Variants in AMPH observed in about 807,000 individuals in gnomAD.
AMPH encodes amphiphysin.
AMPH carries 49 observed loss-of-function variants against 99.1 expected under a neutral mutation model. That is an observed-to-expected ratio of 0.49 (90% CI 0.39 to 0.63). AMPH has a LOEUF of 0.63. Ranked by LOEUF, AMPH falls within the 20% of genes least tolerant of loss-of-function variation. The probability of loss-of-function intolerance (pLI) is 0.00; values close to 1 mark genes in which losing one functional copy is unlikely to be tolerated. For synonymous variants in AMPH, 314 were observed against 317.3 expected, an observed-to-expected ratio of 0.99 and a Z score of 0.11; for missense variants, 759 against 863.4, an observed-to-expected ratio of 0.88 and a Z score of 1.52.
intron 2 of AMPH, among the ~76,000 whole-genome samples, chr7:38,504,188 A>C (rs1012932365): frequency 2.6e-5 from 4 of 152,244 alleles, no homozygotes; most frequent in African/African-American, 9.6e-5. Flanking sequence ...TTACATGTTA[A>C]AACAATAATA....
chr7:38,541,592 T>A (rs1261735710), intron 1 of AMPH, among the ~76,000 whole-genome samples: 1 of 152,200 alleles, frequency 6.6e-6, no homozygotes, highest in African/African-American at 2.4e-5. Flanking sequence ...AGCCATCACG[T>A]CATCAAAGCC....
chr7:38,405,815 A>T (rs948436840), intron 17 of AMPH, among the ~76,000 whole-genome samples: 2 of 152,216 alleles, frequency 1.3e-5, no homozygotes, highest in African/African-American at 2.4e-5. Flanking sequence ...ACTGATCACC[A>T]AGGCAGAAAA....
At chr7:38,592,589 G>A (rs1792895661) in intron 1 of AMPH, among the ~76,000 whole-genome samples, 1 of 151,902 alleles carries the variant, frequency 6.6e-6, no homozygotes, top group Non-Finnish European at 1.5e-5. Flanking sequence ...AAATTAGCCG[G>A]GCATGGTGGT....
intron 6 of AMPH, among the ~76,000 whole-genome samples, chr7:38,476,144 G>C (rs565466808): frequency 7.9e-5 from 12 of 152,306 alleles, no homozygotes; most frequent in African/African-American, 2.6e-4. Context: ...TATGTTTATG[G>C]AAGAAGGCGA....
intron 2 of AMPH, among the ~76,000 whole-genome samples, chr7:38,512,398 C>T (rs1584188934): frequency 6.6e-6 from 1 of 152,194 alleles, no homozygotes; most frequent in East Asian, 1.9e-4. Flanking sequence ...TTCTCTGCAT[C>T]CCATTACCAG....
At chr7:38,485,468 A>G (rs999397077) in intron 5 of AMPH, among the ~76,000 whole-genome samples, 2 of 151,974 alleles carry the variant, frequency 1.3e-5, no homozygotes, top group African/African-American at 4.8e-5. Context: ...AAGCAAAATG[A>G]CAAACTGAAG....
intron 5 of AMPH, among the ~76,000 whole-genome samples, chr7:38,486,041 A>G (rs1031357319): frequency 6.6e-6 from 1 of 151,972 alleles, no homozygotes; most frequent in African/African-American, 2.4e-5. Flanking sequence ...ATCTCAAGGA[A>G]CTAAGAAAAG....
intron 16 of AMPH, among the ~76,000 whole-genome samples, chr7:38,419,084 A>C (rs1785495904): frequency 6.6e-6 from 1 of 151,994 alleles, no homozygotes. Context: ...ACTTAAACTA[A>C]AAAAAGTTTA....
chr7:38,495,673 G>C (rs751110140), intron 3 of AMPH, among the ~76,000 whole-genome samples: 21 of 150,980 alleles, frequency 1.4e-4, no homozygotes, highest in Non-Finnish European at 2.9e-4. Flanking sequence ...AAGATCTGCT[G>C]TATTATTTAA....
At chr7:38,598,666 T>C (rs1793145549) in intron 1 of AMPH, among the ~76,000 whole-genome samples, 2 of 152,178 alleles carry the variant, frequency 1.3e-5, no homozygotes, top group Non-Finnish European at 2.9e-5. Context: ...ATTTTATAGG[T>C]TTATCAGCCT....
chr7:38,435,392 G>C (rs925543261), intron 12 of AMPH, among the ~76,000 whole-genome samples: 7 of 152,154 alleles, frequency 4.6e-5, no homozygotes, highest in African/African-American at 1.7e-4. Context: ...ATCAAGCTAG[G>C]TCTTAATTCC....
intron 1 of AMPH, among the ~76,000 whole-genome samples, chr7:38,607,730 A>ACAAGGAACCCTGCACAATGTTCT (rs1384325952): frequency 6.6e-6 from 1 of 152,226 alleles, no homozygotes; most frequent in Non-Finnish European, 1.5e-5. Flanking sequence ...AAGGATGAAG[A>ACAAGGAACCCTGCACAATGTTCT]CAAGGAACCC....
At chr7:38,591,055 A>T (rs1185332298) in intron 1 of AMPH, among the ~76,000 whole-genome samples, 2 of 152,196 alleles carry the variant, frequency 1.3e-5, no homozygotes, top group African/African-American at 4.8e-5. Context: ...ATATTTTGAG[A>T]GGGAATCTTC....
At chr7:38,440,218 T>C (rs917345441) in intron 11 of AMPH, among the ~76,000 whole-genome samples, 5 of 152,122 alleles carry the variant, frequency 3.3e-5, no homozygotes, top group African/African-American at 4.8e-5. Flanking sequence ...AGGAACAACA[T>C]GAAGGTAGCA....
chr7:38,409,131 G>A (rs1455161014), intron 17 of AMPH, among the ~76,000 whole-genome samples: 1 of 152,224 alleles, frequency 6.6e-6, no homozygotes, highest in South Asian at 2.1e-4. Context: ...TATGGAGCTG[G>A]AGGAAGTCCC....
intron 7 of AMPH, among the ~76,000 whole-genome samples, chr7:38,473,343 T>C (rs556647240): frequency 3.9e-5 from 6 of 152,304 alleles, no homozygotes; most frequent in African/African-American, 1.2e-4. Flanking sequence ...CTAGTTGAGA[T>C]GATGAGTATC....
intron 1 of AMPH, among the ~76,000 whole-genome samples, chr7:38,624,665 CA>C (rs11378374): frequency 3.3e-5 from 5 of 150,302 alleles, no homozygotes; most frequent in Admixed American, 6.6e-5. Flanking sequence ...AGAAGATGGG[CA>C]AAAAAATAAA....
At chr7:38,631,190 C>G (rs1370848663) in intron 1 of AMPH, 93 bp downstream of exon 1, 2 of 1,142,952 alleles carry the variant, frequency 1.7e-6, no homozygotes, top group Non-Finnish European at 2.2e-6. Flanking sequence ...CGCCGCACCC[C>G]GAGGCTCGGG....
intron 17 of AMPH, among the ~76,000 whole-genome samples, chr7:38,415,273 C>G (rs1785339760): frequency 6.6e-6 from 1 of 151,976 alleles, no homozygotes; most frequent in Non-Finnish European, 1.5e-5. Context: ...CAAAAAAAAC[C>G]AGAACAATCA....
Sources: allele counts gnomAD v4.1 joint callset (sites outside exome capture counted in the v4.1 genomes callset), GRCh38; gene constraint gnomAD v4.1.1; transcripts MANE v1.5; gene names NCBI Gene and HGNC (gene_info 2026-07-23, HGNC 2026-07-21).